Variants in NIBAN1 observed in about 807,000 individuals in gnomAD.
NIBAN1 encodes the protein protein Niban 1.
NIBAN1 carries 81 observed loss-of-function variants against 75.1 expected under a neutral mutation model. That is an observed-to-expected ratio of 1.08 (90% CI 0.90 to 1.30). NIBAN1 has a LOEUF of 1.30. Ranked by LOEUF, NIBAN1 falls within the 50% of genes most tolerant of loss-of-function variation. The probability of loss-of-function intolerance (pLI) is 0.00; values close to 1 mark genes in which losing one functional copy is unlikely to be tolerated. For missense variants in NIBAN1, 1,133 were observed against 1,128.1 expected (o/e 1.00, Z -0.06); for synonymous variants, 436 against 424.8 (o/e 1.03, Z -0.32).
intron 5 of NIBAN1, among the ~76,000 whole-genome samples, chr1:184,845,523 G>A (rs1243242167): frequency 6.6e-6 from 1 of 152,170 alleles, no homozygotes; most frequent in Non-Finnish European, 1.5e-5. Flanking sequence ...TACTTTGGGA[G>A]GCCAAGGAGG....
At chr1:184,884,828 C>A (rs751565397) in intron 4 of NIBAN1, 28 bp from the exon 5 acceptor site, 2 of 1,608,058 alleles carry the variant, frequency 1.2e-6, no homozygotes, top group African/African-American at 1.3e-5. Flanking sequence ...ACACAAATAC[C>A]TTTTAAAACA....
chr1:184,830,349 T>C (rs914936201), intron 6 of NIBAN1, among the ~76,000 whole-genome samples: 1 of 152,250 alleles, frequency 6.6e-6, no homozygotes, highest in Non-Finnish European at 1.5e-5. Flanking sequence ...TTTTTCTTAA[T>C]GGCATAAGTA....
At chr1:184,857,538 G>A (rs1447270593) in intron 5 of NIBAN1, among the ~76,000 whole-genome samples, 1 of 152,126 alleles carries the variant, frequency 6.6e-6, no homozygotes, top group Non-Finnish European at 1.5e-5. Flanking sequence ...TACAATGAAT[G>A]TAAATTCACA....
chr1:184,791,556 G>A lies in NIBAN1; in HGVS notation c.*3421C>T, dbSNP rs1653696688. 1 of 150,448 alleles carries A rather than the reference G, an allele frequency of 6.6e-6. No individual in the cohort carries two copies. The highest frequency in any genetic ancestry group is 6.6e-5 in the Admixed American group (1 of 15,122). The allele number at this position is 150,448 out of a possible 1,614,324, so 9.3% of individuals were successfully genotyped here. A position where few individuals can be genotyped will look rare whatever the true frequency, so the allele number is the denominator to read the frequency against. ...CAAGGCACTTATGTCTCTGCTTAAA[G>A]CTACAAGGGAAAAAATGACAAGCCC... On this transcript the variant is annotated 3_prime_UTR_variant, in exon 14 of 14. Transcript: ENST00000367511.
At chr1:184,935,647 T>C (rs897822222) in intron 1 of NIBAN1, among the ~76,000 whole-genome samples, 1 of 152,016 alleles carries the variant, frequency 6.6e-6, no homozygotes, top group Non-Finnish European at 1.5e-5. Context: ...AAAAGGGGGA[T>C]GAAAATTTGC....
intron 5 of NIBAN1, among the ~76,000 whole-genome samples, chr1:184,841,253 G>C (rs641591): frequency 0.57 from 87,173 of 151,870 alleles, 25,447 homozygotes; most frequent in African/African-American, 0.66. Context: ...ATAAAGGTAC[G>C]AAGTTTGAAG....
At chr1:184,917,998 TC>T (rs1657439603) in intron 1 of NIBAN1, among the ~76,000 whole-genome samples, 1 of 152,086 alleles carries the variant, frequency 6.6e-6, no homozygotes, top group Non-Finnish European at 1.5e-5. Flanking sequence ...ACCCAATGAC[TC>T]CTACATGTGT....
At chr1:184,875,124 C>A (rs1466775864) in intron 5 of NIBAN1, among the ~76,000 whole-genome samples, 3 of 152,024 alleles carry the variant, frequency 2.0e-5, no homozygotes, top group Non-Finnish European at 4.4e-5. Context: ...CCAAATGATC[C>A]TGCATATCCA....
intron 5 of NIBAN1, among the ~76,000 whole-genome samples, chr1:184,875,395 G>T (rs1247339765): frequency 1.3e-5 from 2 of 152,198 alleles, no homozygotes; most frequent in Non-Finnish European, 2.9e-5. Context: ...GGCCAAAGCT[G>T]CAATCGTTTG....
intron 9 of NIBAN1, among the ~76,000 whole-genome samples, chr1:184,812,582 A>G (rs1654415321): frequency 6.6e-6 from 1 of 152,166 alleles, no homozygotes; most frequent in South Asian, 2.1e-4. Flanking sequence ...TGTCCTTGGG[A>G]GCTTGACTTT....
At chr1:184,885,006 C>A (rs1368506220) in intron 4 of NIBAN1, among the ~76,000 whole-genome samples, 1 of 152,110 alleles carries the variant, frequency 6.6e-6, no homozygotes, top group Non-Finnish European at 1.5e-5. Context: ...GTCTGCCTGG[C>A]CTCCTACCCA....
Position 184,795,373 on chromosome 1 carries a change from C to T in NIBAN1, c.2391G>A (p.Pro797=), listed in dbSNP as rs201130852. ...CCTCGGTGAGCCCTCCACTGGCTGG[C>T]GGAGAGGCTGGGCTGCCTACCTCTG... is the stretch of plus-strand genomic sequence containing the variant. ...GFPEVGSPAS[P]PASGGLTEEP... Residue 797 remains proline (P), a synonymous_variant, in exon 14 of 14, where the codon CCG becomes CCA. Coordinates refer to ENST00000367511, the MANE Select transcript of NIBAN1 (RefSeq NM_052966.4). The T allele has an allele frequency of 2.9e-5, 47 of 1,597,780 alleles. No individual in the cohort carries two copies. The highest frequency in any genetic ancestry group is 4.0e-5 in the African/African-American group (3 of 74,344).
intron 6 of NIBAN1, among the ~76,000 whole-genome samples, chr1:184,824,389 C>T (rs535377673): frequency 1.3e-5 from 2 of 152,222 alleles, no homozygotes; most frequent in South Asian, 2.1e-4. Context: ...TGAGGGGATG[C>T]TCCAAGAGAT....
rs1167399593 is a variant in NIBAN1, at chr1:184,793,045, G to A, written c.*1932C>T. 6.6e-6 allele frequency: 1 copy of A among 152,166 alleles called. No homozygotes were observed. The highest frequency in any genetic ancestry group is 1.5e-5 in the Non-Finnish European group (1 of 68,024). 9.4% of individuals were successfully genotyped at this position (152,166 alleles called of 1,614,324 possible). Reference sequence around the variant, plus strand: ...AGACATGAGGATTTAAACACGCCAAGAAAAGTTGCAACAATTAAATATGAT... The same window carrying A: ...AGACATGAGGATTTAAACACGCCAAAAAAAGTTGCAACAATTAAATATGAT... On this transcript the variant is annotated 3_prime_UTR_variant, in exon 14 of 14. Transcript: ENST00000367511.
At chr1:184,974,032 C>A (rs1482080900) in intron 1 of NIBAN1, among the ~76,000 whole-genome samples, 1 of 152,062 alleles carries the variant, frequency 6.6e-6, no homozygotes, top group East Asian at 1.9e-4. Flanking sequence ...GGCACTGACC[C>A]CGAGGCGGCG....
At chr1:184,886,155 AC>A (rs1191823890) in intron 4 of NIBAN1, among the ~76,000 whole-genome samples, 7 of 151,874 alleles carry the variant, frequency 4.6e-5, no homozygotes, top group African/African-American at 1.7e-4. Flanking sequence ...TTCAAAAGCC[AC>A]TCCTCTGGGA....
At chr1:184,834,942 C>G (rs917407721) in intron 5 of NIBAN1, among the ~76,000 whole-genome samples, 1 of 152,050 alleles carries the variant, frequency 6.6e-6, no homozygotes, top group Non-Finnish European at 1.5e-5. Context: ...AATAGTATTG[C>G]CTAGGTTTTC....
At chr1:184,894,044 A>G (rs1434400567) in intron 3 of NIBAN1, 31 bp downstream of exon 3, 1 of 1,575,902 alleles carries the variant, frequency 6.3e-7, no homozygotes, top group Non-Finnish European at 8.6e-7. Flanking sequence ...AGAACAGTGT[A>G]AGAATCAGTA....
intron 1 of NIBAN1, among the ~76,000 whole-genome samples, chr1:184,947,499 T>C (rs1289250577): frequency 1.3e-5 from 2 of 152,242 alleles, no homozygotes; most frequent in East Asian, 1.9e-4. Context: ...ATATAGTTAA[T>C]GCTGCTGAAT....
Sources: allele counts gnomAD v4.1 joint callset (sites outside exome capture counted in the v4.1 genomes callset), GRCh38; gene constraint gnomAD v4.1.1; transcripts MANE v1.5; gene names NCBI Gene and HGNC (gene_info 2026-07-23, HGNC 2026-07-21).